Variants in CLSTN2 observed in about 807,000 individuals in gnomAD.
CLSTN2 encodes calsyntenin 2.
In CLSTN2, 48 loss-of-function variants were observed where a neutral mutation model predicts 101.2. The ratio of observed to expected loss-of-function variants is 0.47; its 90% CI spans 0.38 to 0.60. The LOEUF (loss-of-function observed/expected upper bound fraction) is 0.60. Among genes scored for constraint, CLSTN2 ranks in the 20% least tolerant of loss-of-function variants. The pLI is 0.00. For synonymous variants in CLSTN2, 481 were observed against 463.6 expected, an observed-to-expected ratio of 1.04 and a Z score of -0.48; for missense variants, 1,160 against 1,238.2, an observed-to-expected ratio of 0.94 and a Z score of 0.95.
At chr3:140,468,919 G>A (rs941359496) in intron 8 of CLSTN2, among the ~76,000 whole-genome samples, 11 of 152,154 alleles carry the variant, frequency 7.2e-5, no homozygotes, top group Middle Eastern at 3.2e-3. Flanking sequence ...AGTATCACAG[G>A]CTGAGTGGCT....
chr3:139,946,840 C>G (rs1461030316), intron 1 of CLSTN2, among the ~76,000 whole-genome samples: 2 of 152,218 alleles, frequency 1.3e-5, no homozygotes, highest in African/African-American at 4.8e-5. Flanking sequence ...ACCATTATTG[C>G]TCAGGCTTCC....
At chr3:140,019,656 T>G (rs2007268661) in intron 1 of CLSTN2, among the ~76,000 whole-genome samples, 1 of 152,060 alleles carries the variant, frequency 6.6e-6, no homozygotes, top group African/African-American at 2.4e-5. Context: ...AGGAAGGATA[T>G]GATTGGGTTT....
chr3:140,406,027 T>C (rs2088298826), intron 4 of CLSTN2, among the ~76,000 whole-genome samples: 1 of 152,134 alleles, frequency 6.6e-6, no homozygotes, highest in South Asian at 2.1e-4. Flanking sequence ...GCTCATCATC[T>C]AGCAGAAAAA....
chr3:140,333,236 A>G (rs940898478), intron 2 of CLSTN2, among the ~76,000 whole-genome samples: 3 of 152,140 alleles, frequency 2.0e-5, no homozygotes, highest in African/African-American at 7.2e-5. Flanking sequence ...CTGCAGATTA[A>G]TCCACTTCCA....
intron 2 of CLSTN2, among the ~76,000 whole-genome samples, chr3:140,281,885 C>T (rs1455268302): frequency 6.6e-6 from 1 of 152,106 alleles, no homozygotes; most frequent in Non-Finnish European, 1.5e-5. Context: ...GCTGCTCTAT[C>T]GGATTAGTTA....
At chr3:140,336,306 C>A (rs893018587) in intron 2 of CLSTN2, among the ~76,000 whole-genome samples, 2 of 152,128 alleles carry the variant, frequency 1.3e-5, no homozygotes, top group African/African-American at 4.8e-5. Context: ...CAGGTGGAAA[C>A]CAAGCTCACA....
chr3:139,983,297 G>A (rs1935965104), intron 1 of CLSTN2, among the ~76,000 whole-genome samples: 1 of 152,260 alleles, frequency 6.6e-6, no homozygotes, highest in South Asian at 2.1e-4. Flanking sequence ...AAAAAGATGG[G>A]AAGGATGGTT....
chr3:139,937,972 G>A (rs145986270), intron 1 of CLSTN2, among the ~76,000 whole-genome samples: 1 of 151,894 alleles, frequency 6.6e-6, no homozygotes, highest in Non-Finnish European at 1.5e-5. Context: ...ACTTTAGTTA[G>A]TATTTACAGG....
chr3:140,564,118 GCTGA>G lies in CLSTN2; in HGVS notation c.2643_2646del (p.Thr882SerfsTer31). ...CTGAGATGGACTGGGACGATTCTGC[GCTGA>G]CTATCACAGTCAACCCCATGGAGGT... is the stretch of plus-strand genomic sequence containing the variant. On this transcript the variant is annotated frameshift_variant, in exon 16 of 17. Coordinates refer to ENST00000458420, the MANE Select transcript of CLSTN2 (RefSeq NM_022131.3). LOFTEE classifies it high-confidence loss of function. 3 of 1,614,058 alleles carry G rather than the reference GCTGA, an allele frequency of 1.9e-6. No homozygotes were observed. Among genetic ancestry groups the G allele is most frequent in the Non-Finnish European group, 2.5e-6 (3 of 1,179,998 alleles).
At chr3:140,116,988 C>T (rs1010807901) in intron 1 of CLSTN2, among the ~76,000 whole-genome samples, 8 of 152,180 alleles carry the variant, frequency 5.3e-5, no homozygotes, top group African/African-American at 1.9e-4. Flanking sequence ...TCTGAAATTG[C>T]TCCCATATTC....
At chr3:140,029,114 T>A (rs16849709) in intron 1 of CLSTN2, among the ~76,000 whole-genome samples, 7,962 of 152,224 alleles carry the variant, frequency 0.052, 217 homozygotes, top group Non-Finnish European at 0.064. Flanking sequence ...CTGATGTGCC[T>A]TCTTAAAATT....
chr3:140,378,229 G>A (rs1356137515), intron 2 of CLSTN2, among the ~76,000 whole-genome samples: 2 of 152,300 alleles, frequency 1.3e-5, no homozygotes, highest in South Asian at 4.1e-4. Context: ...CTATCGTTAA[G>A]TGACACTTGA....
chr3:140,259,642 C>T (rs1213688268), intron 2 of CLSTN2, among the ~76,000 whole-genome samples: 1 of 152,124 alleles, frequency 6.6e-6, no homozygotes, highest in Non-Finnish European at 1.5e-5. Flanking sequence ...CCCACCTTTT[C>T]AAACCCCATC....
intron 1 of CLSTN2, among the ~76,000 whole-genome samples, chr3:140,042,759 T>G (rs1304387366): frequency 6.6e-6 from 1 of 152,076 alleles, no homozygotes; most frequent in Non-Finnish European, 1.5e-5. Flanking sequence ...CACCTATGAG[T>G]GAGAACATGT....
chr3:139,979,867 CCCCCTCGCCTAGTGTT>C (rs1935886941), intron 1 of CLSTN2, among the ~76,000 whole-genome samples: 1 of 152,024 alleles, frequency 6.6e-6, no homozygotes, highest in South Asian at 2.1e-4. Context: ...GACCCTTCTT[CCCCCTCGCCTAGTGTT>C]CCCTATTTCA....
intron 2 of CLSTN2, among the ~76,000 whole-genome samples, chr3:140,304,624 A>T (rs1215047171): frequency 6.6e-6 from 1 of 152,194 alleles, no homozygotes; most frequent in Non-Finnish European, 1.5e-5. Context: ...GCTTCAACAT[A>T]TGAATGTGGG....
At chr3:140,129,431 G>A in intron 1 of CLSTN2, among the ~76,000 whole-genome samples, 1 of 152,058 alleles carries the variant, frequency 6.6e-6, no homozygotes, top group East Asian at 1.9e-4. Flanking sequence ...GTGATGATTT[G>A]GGAATGGTTA....
At chr3:140,359,240 G>C (rs9837886) in intron 2 of CLSTN2, among the ~76,000 whole-genome samples, 58,170 of 151,984 alleles carry the variant, frequency 0.38, 12,444 homozygotes, top group Non-Finnish European at 0.49. Flanking sequence ...ATTGATAGAG[G>C]AAATCAAACA....
At chr3:140,158,315 G>A (rs559428094) in intron 1 of CLSTN2, among the ~76,000 whole-genome samples, 160 of 152,232 alleles carry the variant, frequency 1.1e-3, no homozygotes, top group Non-Finnish European at 1.8e-3. Context: ...TAAAAACTCT[G>A]TCAAAAGTCT....
Sources: gnomAD v4.1 joint callset for allele counts (sites outside exome capture counted in the v4.1 genomes callset) on GRCh38, gnomAD v4.1.1 for gene constraint, MANE v1.5 for transcripts, NCBI Gene and HGNC (gene_info 2026-07-23, HGNC 2026-07-21) for gene names.